The following CYP7B1 variants were observed in gnomAD, a reference collection of about 807,000 sequenced individuals.
The protein encoded by CYP7B1 is cytochrome P450 7B1.
CYP7B1 carries 29 observed loss-of-function variants against 42.7 expected under a neutral mutation model. The observed-to-expected ratio is 0.68, with a 90% CI of 0.51 to 0.93. The LOEUF is 0.93. Ranked by LOEUF, CYP7B1 falls within the 40% of genes least tolerant of loss-of-function variation. The probability of loss-of-function intolerance (pLI) is 0.00; values close to 1 mark genes in which losing one functional copy is unlikely to be tolerated. For missense variants in CYP7B1, 655 were observed against 600.5 expected (o/e 1.09, Z -0.95); for synonymous variants, 235 against 218.2 (o/e 1.08, Z -0.68).
At chr8:64,630,466 T>C (rs1805672632) in intron 1 of CYP7B1, among the ~76,000 whole-genome samples, 1 of 152,248 alleles carries the variant, frequency 6.6e-6, no homozygotes, top group Non-Finnish European at 1.5e-5. Context: ...TGAAAGTAGC[T>C]GACATACACA....
At chr8:64,637,268 T>C (rs1805787317) in intron 1 of CYP7B1, among the ~76,000 whole-genome samples, 1 of 152,114 alleles carries the variant, frequency 6.6e-6, no homozygotes. Flanking sequence ...TTTACTGAAG[T>C]GGGAAGATAA....
At position 64,595,618 on chromosome 8, in the gene CYP7B1, C is replaced by G. The variant is rs1585795107; in HGVS notation, c.*1024G>C. Among the ~76,000 whole-genome samples the G allele has an allele frequency of 6.6e-6, 1 of 151,948 alleles. No homozygotes were observed. The highest frequency in any genetic ancestry group is 2.4e-5 in the African/African-American group (1 of 41,464). On this transcript the variant is annotated 3_prime_UTR_variant, in exon 6 of 6. Coordinates refer to ENST00000310193, the MANE Select transcript of CYP7B1 (RefSeq NM_004820.5). ...TGGGCAACACAGCCAGATACTCTCT[C>G]AATTGAAAAAAAATCTTTGAATTAT...
intron 1 of CYP7B1, among the ~76,000 whole-genome samples, chr8:64,687,035 G>C (rs1371910927): frequency 7.0e-6 from 1 of 142,812 alleles, no homozygotes; most frequent in African/African-American, 2.6e-5. Flanking sequence ...AGAGACCTTT[G>C]TTCACTTGTT....
At chr8:64,707,107 A>T (rs1348279256) in intron 1 of CYP7B1, among the ~76,000 whole-genome samples, 3 of 152,112 alleles carry the variant, frequency 2.0e-5, no homozygotes, top group Non-Finnish European at 4.4e-5. Flanking sequence ...GTTGTGCAAC[A>T]TATGCGTATG....
At chr8:64,767,866 C>T (rs1260442294) in intron 1 of CYP7B1, among the ~76,000 whole-genome samples, 1 of 152,174 alleles carries the variant, frequency 6.6e-6, no homozygotes, top group Non-Finnish European at 1.5e-5. Context: ...GACCCCTGGA[C>T]CAGCCTGCTA....
At chr8:64,685,945 G>A (rs1482244193) in intron 1 of CYP7B1, among the ~76,000 whole-genome samples, 4 of 30,872 alleles carry the variant, frequency 1.3e-4, no homozygotes, top group African/African-American at 3.8e-4. Context: ...CCCCCCGCCC[G>A]GCCAGCCGCC....
At chr8:64,752,071 G>A (rs576468195) in intron 1 of CYP7B1, among the ~76,000 whole-genome samples, 1 of 152,054 alleles carries the variant, frequency 6.6e-6, no homozygotes, top group Non-Finnish European at 1.5e-5. Flanking sequence ...CCACTTTCCA[G>A]GGATGTACTG....
At chr8:64,741,291 A>T (rs566647904) in intron 1 of CYP7B1, among the ~76,000 whole-genome samples, 3 of 152,274 alleles carry the variant, frequency 2.0e-5, no homozygotes, top group African/African-American at 7.2e-5. Flanking sequence ...TGCGCATAAC[A>T]TGATTCTTCT....
intron 1 of CYP7B1, among the ~76,000 whole-genome samples, chr8:64,760,592 T>C (rs895707830): frequency 1.1e-4 from 16 of 152,062 alleles, no homozygotes; most frequent in Admixed American, 1.0e-3. Context: ...ACCAGGTACA[T>C]GAAAAGGTGG....
chr8:64,707,691 GTTTTT>G (rs544341888), intron 1 of CYP7B1, among the ~76,000 whole-genome samples: 3 of 148,092 alleles, frequency 2.0e-5, no homozygotes, highest in African/African-American at 7.4e-5. Context: ...TATTCAATTA[GTTTTT>G]TTTTTCACTT....
At chr8:64,698,232 A>G (rs1806859737) in intron 1 of CYP7B1, among the ~76,000 whole-genome samples, 1 of 152,184 alleles carries the variant, frequency 6.6e-6, no homozygotes, top group Admixed American at 6.6e-5. Context: ...TGAAAGAAGC[A>G]GACAGTGGGG....
intron 1 of CYP7B1, among the ~76,000 whole-genome samples, chr8:64,745,007 C>T (rs185944475): frequency 7.7e-4 from 117 of 152,200 alleles, no homozygotes; most frequent in African/African-American, 2.4e-3. Context: ...AACACATATG[C>T]TTTTGTAGAT....
At chr8:64,752,212 C>T (rs1215561536) in intron 1 of CYP7B1, among the ~76,000 whole-genome samples, 1 of 151,896 alleles carries the variant, frequency 6.6e-6, no homozygotes, top group Non-Finnish European at 1.5e-5. Context: ...TATAAGGTTC[C>T]AGGTGCTGTA....
At position 64,615,472 on chromosome 8, in the gene CYP7B1, T is replaced by C. The variant is rs112488343; in HGVS notation, c.850+219A>G. Among the ~76,000 whole-genome samples, 139 of 151,420 alleles carry C rather than the reference T, an allele frequency of 9.2e-4. 1 individual carries two copies. Among genetic ancestry groups the C allele is most frequent in the African/African-American group, 3.1e-3 (128 of 41,244 alleles). On this transcript the variant is annotated intron_variant, in intron 3 of 5. Coordinates refer to ENST00000310193, the MANE Select transcript of CYP7B1 (RefSeq NM_004820.5). ...AAGAGGAGTAAATGCAGCTTAGTTATACTCTTTCTCATTATCACCATTAAG... is the reference window on the plus strand; with the variant it reads ...AAGAGGAGTAAATGCAGCTTAGTTACACTCTTTCTCATTATCACCATTAAG...
At chr8:64,794,762 G>C (rs1398754478) in intron 1 of CYP7B1, among the ~76,000 whole-genome samples, 4 of 152,154 alleles carry the variant, frequency 2.6e-5, no homozygotes, top group African/African-American at 7.2e-5. Flanking sequence ...CCAAAGAAGA[G>C]AGAATCTGTA....
At chr8:64,604,014 G>A (rs1805239055) in intron 5 of CYP7B1, among the ~76,000 whole-genome samples, 1 of 152,252 alleles carries the variant, frequency 6.6e-6, no homozygotes, top group Middle Eastern at 3.4e-3. Context: ...TTGCATGCAG[G>A]TGGTGAATCT....
intron 1 of CYP7B1, among the ~76,000 whole-genome samples, chr8:64,672,318 A>C (rs139342594): frequency 2.6e-5 from 4 of 152,270 alleles, no homozygotes; most frequent in Non-Finnish European, 4.4e-5. Flanking sequence ...TAAGGTGTTT[A>C]AGGTATGCAA....
At chr8:64,715,353 TGCTTAGAAGGG>T in intron 1 of CYP7B1, among the ~76,000 whole-genome samples, 1 of 152,166 alleles carries the variant, frequency 6.6e-6, no homozygotes, top group Non-Finnish European at 1.5e-5. Context: ...TGCATAGTAT[TGCTTAGAAGGG>T]AAAGGGACAT....
At chr8:64,765,955 C>A (rs1807967133) in intron 1 of CYP7B1, among the ~76,000 whole-genome samples, 1 of 152,148 alleles carries the variant, frequency 6.6e-6, no homozygotes, top group Non-Finnish European at 1.5e-5. Flanking sequence ...TGACTTGGAG[C>A]CATATATTGT....
Sources: allele counts gnomAD v4.1 joint callset (sites outside exome capture counted in the v4.1 genomes callset), GRCh38; gene constraint gnomAD v4.1.1; transcripts MANE v1.5; gene names NCBI Gene and HGNC (gene_info 2026-07-23, HGNC 2026-07-21).